Variants in KCNH8 observed in about 807,000 individuals in gnomAD.
The protein encoded by KCNH8 is potassium voltage-gated channel subfamily H member 8.
KCNH8 carries 70 observed loss-of-function variants against 103.6 expected under a neutral mutation model. That is an observed-to-expected ratio of 0.68 (90% CI 0.56 to 0.82). The LOEUF (loss-of-function observed/expected upper bound fraction) is 0.82. Among genes scored for constraint, KCNH8 ranks in the 40% least tolerant of loss-of-function variants. KCNH8 has a pLI of 0.00. For missense variants in KCNH8, 1,217 were observed against 1,329.9 expected (o/e 0.92, Z 1.32); for synonymous variants, 498 against 489.4 (o/e 1.02, Z -0.23).
At chr3:19,529,092 T>C (rs941450535) in intron 15 of KCNH8, among the ~76,000 whole-genome samples, 3 of 152,106 alleles carry the variant, frequency 2.0e-5, no homozygotes, top group African/African-American at 4.8e-5. Context: ...AAGCTCACTG[T>C]ATCTGATGGT....
At position 19,158,215 on chromosome 3, in the gene KCNH8, A is replaced by G. The variant is rs185486172; in HGVS notation, c.76+9420A>G. Among the ~76,000 whole-genome samples the G allele has an allele frequency of 3.8e-4, 58 of 151,682 alleles. 1 individual carries two copies. In the South Asian group the frequency reaches 4.4e-3, roughly 11 times the overall value. The stretch of plus-strand genomic sequence containing the variant: ...ACAAATTTCCTAACAATGTTATTCA[A>G]CAATTCATCTTCTTTATGTTAGTTT... On this transcript the variant is annotated intron_variant, in intron 1 of 15. Transcript: ENST00000328405.
chr3:19,372,581 T>C (rs994797585), intron 5 of KCNH8, among the ~76,000 whole-genome samples: 3 of 152,220 alleles, frequency 2.0e-5, no homozygotes, highest in African/African-American at 7.2e-5. Context: ...ACTTCCTCTT[T>C]TCCTGATTGA....
chr3:19,485,170 G>A lies in KCNH8; in HGVS notation c.2041-25193G>A, dbSNP rs77909082. ...ACAAACCTGTTACCTGAGCCGATTC[G>A]TAAGGGCAGTCTAAACCTAGGAATA... On this transcript the variant is annotated intron_variant, in intron 11 of 15. Coordinates refer to ENST00000328405, the MANE Select transcript of KCNH8 (RefSeq NM_144633.3). 9.4e-3 allele frequency among the ~76,000 whole-genome samples: 1,438 copies of A among 152,210 alleles called. 53 individuals are homozygous for A. The East Asian group carries it at 0.13, about 14-fold the overall frequency.
At chr3:19,375,990 T>G (rs2066191585) in intron 5 of KCNH8, among the ~76,000 whole-genome samples, 1 of 152,142 alleles carries the variant, frequency 6.6e-6, no homozygotes, top group Non-Finnish European at 1.5e-5. Context: ...GGAGAACCAC[T>G]GCTCTCTTCA....
chr3:19,498,447 G>A (rs539606256), intron 11 of KCNH8, among the ~76,000 whole-genome samples: 56 of 152,246 alleles, frequency 3.7e-4, no homozygotes, highest in African/African-American at 1.3e-3. Flanking sequence ...TGGTGGTAAT[G>A]AATTCCCTCA....
intron 1 of KCNH8, among the ~76,000 whole-genome samples, chr3:19,157,242 A>G (rs1227951435): frequency 6.6e-6 from 1 of 152,102 alleles, no homozygotes; most frequent in Non-Finnish European, 1.5e-5. Context: ...TATTCCTTCA[A>G]TGGAGAGAAT....
chr3:19,454,555 A>C (rs1439270499), intron 10 of KCNH8, among the ~76,000 whole-genome samples: 2 of 152,154 alleles, frequency 1.3e-5, no homozygotes, highest in Non-Finnish European at 2.9e-5. Flanking sequence ...GGCTAGCAAC[A>C]GTTTTAGGAA....
At chr3:19,163,359 A>G (rs1021457139) in intron 1 of KCNH8, among the ~76,000 whole-genome samples, 1 of 151,008 alleles carries the variant, frequency 6.6e-6, no homozygotes, top group African/African-American at 2.4e-5. Flanking sequence ...AGGTTTATCA[A>G]TATAATAAAA....
intron 11 of KCNH8, among the ~76,000 whole-genome samples, chr3:19,498,464 A>C (rs9860607): frequency 0.62 from 94,539 of 151,780 alleles, 29,673 homozygotes; most frequent in Middle Eastern, 0.67. Context: ...CTCAGCGCTG[A>C]CTTGTCTCAA....
At chr3:19,192,551 T>C (rs1231298228) in intron 1 of KCNH8, among the ~76,000 whole-genome samples, 1 of 151,706 alleles carries the variant, frequency 6.6e-6, no homozygotes, top group East Asian at 1.9e-4. Context: ...TTCACAGTTG[T>C]CCCATATTAC....
intron 11 of KCNH8, among the ~76,000 whole-genome samples, chr3:19,475,812 A>G (rs2067961548): frequency 6.6e-6 from 1 of 152,156 alleles, no homozygotes; most frequent in Non-Finnish European, 1.5e-5. Context: ...TTATTGAGGG[A>G]GCAAAAATGT....
chr3:19,509,204 T>G (rs2068744116), intron 11 of KCNH8, among the ~76,000 whole-genome samples: 1 of 152,202 alleles, frequency 6.6e-6, no homozygotes, highest in African/African-American at 2.4e-5. Context: ...TTGACTGCTA[T>G]CATAAAATTA....
At chr3:19,176,495 A>T (rs562426900) in intron 1 of KCNH8, among the ~76,000 whole-genome samples, 1 of 152,108 alleles carries the variant, frequency 6.6e-6, no homozygotes, top group African/African-American at 2.4e-5. Flanking sequence ...CATAATTTTA[A>T]TATGGAAGAC....
In KCNH8 at chr3:19,194,478, T is replaced by C. The variant is rs192070815; in HGVS notation, c.76+45683T>C. Among the ~76,000 whole-genome samples, 531 of 152,016 alleles carry C rather than the reference T, an allele frequency of 3.5e-3. 1 individual carries two copies. The highest frequency in any genetic ancestry group is 0.012 in the African/African-American group (496 of 41,520). ...TGTTTTCTTTCTGCTCTACCATGAT[T>C]AAATCCCTAATGAAAGAAGTGCTTA... On this transcript the variant is annotated intron_variant, in intron 1 of 15. Coordinates refer to ENST00000328405, the MANE Select transcript of KCNH8 (RefSeq NM_144633.3).
chr3:19,508,174 T>C (rs2068728254), intron 11 of KCNH8, among the ~76,000 whole-genome samples: 1 of 152,204 alleles, frequency 6.6e-6, no homozygotes, highest in South Asian at 2.1e-4. Context: ...TTTATGTCTA[T>C]ATTCATCAGG....
rs188640280 is a variant in KCNH8, at chr3:19,456,823, C to T, written c.1881C>T (p.Thr627=). The stretch of plus-strand genomic sequence containing the variant: ...CAATTAAGGACCAAGTGATCAAGAC[C>T]AATGCAGATGTAAAGGCTTTAACCT... ...NLSIKDQVIK[T]NADVKALTYC... Residue 627 remains threonine, a synonymous_variant, in exon 11 of 16, where the codon ACC becomes ACT. Transcript: ENST00000328405. The T allele has an allele frequency of 6.2e-7, 1 of 1,611,898 alleles. No individual in the cohort carries two copies. The highest frequency in any genetic ancestry group is 1.3e-5 in the African/African-American group (1 of 74,692).
intron 2 of KCNH8, among the ~76,000 whole-genome samples, chr3:19,261,784 A>G (rs1246390723): frequency 6.6e-6 from 1 of 151,562 alleles, no homozygotes; most frequent in African/African-American, 2.4e-5. Context: ...AATTTTGTGT[A>G]TGGTGTATGA....
Position 19,517,999 on chromosome 3 carries a change from T to C in KCNH8, c.2544T>C (p.Asp848=), listed in dbSNP as rs750376089. 8.7e-6 allele frequency: 14 copies of C among 1,611,822 alleles called. No individual in the cohort carries two copies. The highest frequency in any genetic ancestry group is 1.1e-5 in the South Asian group (1 of 91,032). ...TTCTGTATGTGTGTCACTTTTCAGA[T>C]CCAGAGATTGGAGCTGCTGTTCTCT... is the stretch of plus-strand genomic sequence containing the variant. ...SEPRISPPLG[D]PEIGAAVLFI... The change falls in exon 15 of 16, where the codon GAT becomes GAC. Residue 848 remains aspartate, a splice_region_variant and synonymous_variant. Coordinates refer to ENST00000328405, the MANE Select transcript of KCNH8 (RefSeq NM_144633.3).
chr3:19,426,530 G>C (rs111959510), intron 7 of KCNH8, among the ~76,000 whole-genome samples: 21 of 150,538 alleles, frequency 1.4e-4, no homozygotes, highest in African/African-American at 5.1e-4. Flanking sequence ...CTGATAATCA[G>C]AATTGTCCTA....
Sources: gnomAD v4.1 joint callset for allele counts (sites outside exome capture counted in the v4.1 genomes callset) on GRCh38, gnomAD v4.1.1 for gene constraint, MANE v1.5 for transcripts, NCBI Gene and HGNC (gene_info 2026-07-23, HGNC 2026-07-21) for gene names.